ABRAXAS2: variants seen among roughly 807,000 people sequenced by gnomAD.
The protein encoded by ABRAXAS2 is BRISC complex subunit Abraxas 2.
In ABRAXAS2, 23 loss-of-function variants were observed where a neutral mutation model predicts 49.0. That is an observed-to-expected ratio of 0.47 (90% confidence interval 0.34 to 0.66). The LOEUF (loss-of-function observed/expected upper bound fraction) is 0.66, where lower values mean the gene tolerates loss of function less well. Ranked by LOEUF, ABRAXAS2 falls within the 30% of genes least tolerant of loss-of-function variation. The pLI is 0.01. For synonymous variants in ABRAXAS2, 168 were observed against 180.2 expected (o/e 0.93, Z 0.54); for missense variants, 443 against 511.9 (o/e 0.87, Z 1.30).
chr10:124,829,780 C>A (rs958817236), intron 7 of ABRAXAS2, among the ~76,000 whole-genome samples: 3 of 152,196 alleles, frequency 2.0e-5, no homozygotes, highest in African/African-American at 7.2e-5. Context: ...ATAGCTGTCT[C>A]CATCAGTTAT....
intron 2 of ABRAXAS2, 94 bp from the exon 3 acceptor site, chr10:124,816,480 CAG>C: frequency 1.3e-6 from 1 of 765,546 alleles, no homozygotes; most frequent in Non-Finnish European, 2.1e-6. Context: ...TCTTTGTTGT[CAG>C]AGATTTTGAT....
At chr10:124,816,908 G>T (rs1431752365) in intron 3 of ABRAXAS2, among the ~76,000 whole-genome samples, 2 of 152,124 alleles carry the variant, frequency 1.3e-5, no homozygotes, top group African/African-American at 4.8e-5. Flanking sequence ...TTCTTAACGA[G>T]GAATAAAAAA....
chr10:124,806,478 A>G (rs1386183836), intron 1 of ABRAXAS2, among the ~76,000 whole-genome samples: 1 of 152,150 alleles, frequency 6.6e-6, no homozygotes, highest in Non-Finnish European at 1.5e-5. Context: ...AACAAAATAA[A>G]TTGTATGTGA....
chr10:124,832,591 T>A (rs1950940086), intron 8 of ABRAXAS2, among the ~76,000 whole-genome samples: 1 of 152,186 alleles, frequency 6.6e-6, no homozygotes, highest in Non-Finnish European at 1.5e-5. Context: ...ACGCCTGTAA[T>A]CCTAGCACTT....
intron 5 of ABRAXAS2, among the ~76,000 whole-genome samples, chr10:124,827,219 G>A (rs1950902523): frequency 1.3e-5 from 2 of 148,184 alleles, no homozygotes; most frequent in Non-Finnish European, 3.0e-5. Context: ...GAGTGCAGTG[G>A]TGCAATCTCG....
At chr10:124,820,958 G>A (rs1045779807) in intron 4 of ABRAXAS2, among the ~76,000 whole-genome samples, 1 of 151,828 alleles carries the variant, frequency 6.6e-6, no homozygotes, top group Admixed American at 6.6e-5. Flanking sequence ...TTTTCCCCCA[G>A]GCTGGAGTGC....
chr10:124,802,359 G>GT (rs1204293505), intron 1 of ABRAXAS2, among the ~76,000 whole-genome samples: 1 of 152,260 alleles, frequency 6.6e-6, no homozygotes, highest in African/African-American at 2.4e-5. Context: ...TGCTGCGAGT[G>GT]AAACCGTGGC....
chr10:124,831,932 A>G (rs1302820710), intron 8 of ABRAXAS2, among the ~76,000 whole-genome samples: 5 of 139,704 alleles, frequency 3.6e-5, no homozygotes, highest in Non-Finnish European at 7.5e-5. Context: ...GGCTCACTGC[A>G]ACCTCCACCT....
At chr10:124,802,219 C>T (rs531590223) in intron 1 of ABRAXAS2, among the ~76,000 whole-genome samples, 2 of 152,288 alleles carry the variant, frequency 1.3e-5, no homozygotes, top group South Asian at 4.1e-4. Flanking sequence ...GCGCCTGCCC[C>T]TCCCTGAAAG....
In ABRAXAS2 at chr10:124,835,086, AAG is replaced by A; in HGVS notation, c.*120_*121del. 1 of 758,404 alleles carries A rather than the reference AAG, an allele frequency of 1.3e-6. No individual in the cohort carries two copies. The highest frequency in any genetic ancestry group is 2.1e-6 in the Non-Finnish European group (1 of 476,096). The allele number at this position is 758,404 out of a possible 1,614,324, so 47.0% of individuals were successfully genotyped here. A position where few individuals can be genotyped will look rare whatever the true frequency, so the allele number is the denominator to read the frequency against. On this transcript the variant is annotated 3_prime_UTR_variant, in exon 9 of 9. Transcript: ENST00000298492. ...TTTCTCAGATACCTTAACTCCCGAG[AAG>A]AGAGTCCTTGTGCACAGAACTTGTG... is the stretch of plus-strand genomic sequence containing the variant.
At chr10:124,827,427 T>C (rs1334309110) in intron 5 of ABRAXAS2, among the ~76,000 whole-genome samples, 1 of 152,048 alleles carries the variant, frequency 6.6e-6, no homozygotes, top group African/African-American at 2.4e-5. Flanking sequence ...CTCCCAAAAC[T>C]TTATGCATCT....
intron 1 of ABRAXAS2, among the ~76,000 whole-genome samples, chr10:124,804,434 T>C (rs147602756): frequency 6.6e-6 from 1 of 152,356 alleles, no homozygotes; most frequent in East Asian, 1.9e-4. Flanking sequence ...CCCAGTGCTG[T>C]AGAATACTAG....
At chr10:124,826,233 C>T (rs1950895165) in intron 4 of ABRAXAS2, among the ~76,000 whole-genome samples, 1 of 152,176 alleles carries the variant, frequency 6.6e-6, no homozygotes, top group Non-Finnish European at 1.5e-5. Context: ...TGCCTTCTCC[C>T]CTCATTCCTG....
intron 4 of ABRAXAS2, among the ~76,000 whole-genome samples, chr10:124,822,123 A>AG (rs1187191269): frequency 6.6e-6 from 1 of 152,308 alleles, no homozygotes; most frequent in East Asian, 1.9e-4. Context: ...GTTATTTTGT[A>AG]GGGGGGATTT....
At chr10:124,828,472 C>T (rs1950910605) in intron 5 of ABRAXAS2, among the ~76,000 whole-genome samples, 1 of 152,182 alleles carries the variant, frequency 6.6e-6, no homozygotes, top group African/African-American at 2.4e-5. Flanking sequence ...TCAAGTGATT[C>T]TCCTGCCTCA....
Position 124,829,458 on chromosome 10 carries a change from C to T in ABRAXAS2, c.644C>T (p.Ala215Val). 6.2e-7 allele frequency: 1 copy of T among 1,606,476 alleles called. No homozygotes were observed. The highest frequency in any genetic ancestry group is 1.3e-5 in the African/African-American group (1 of 74,842). The change falls in exon 7 of 9, where the codon GCA becomes GTA. Residue 215 changes from alanine to valine, a missense_variant. Ala to Val is a moderately conservative substitution (Grantham distance 64). Around this residue, in one of 3 missense-constraint regions of ABRAXAS2, gnomAD observed 166 missense variants for 247.3 expected, o/e 0.67. Coordinates refer to ENST00000298492, the MANE Select transcript of ABRAXAS2 (RefSeq NM_032182.4). Reference sequence around the variant, plus strand: ...AGGGCGATTTATCAGGTTTATAATGCACTTCAGGAGAAAGTTCAGGTAACT... The same window carrying T: ...AGGGCGATTTATCAGGTTTATAATGTACTTCAGGAGAAAGTTCAGGTAACT... ...DIRAIYQVYN[A>V]LQEKVQAVCA...
At chr10:124,807,894 C>T (rs568976746) in intron 2 of ABRAXAS2, among the ~76,000 whole-genome samples, 3 of 152,284 alleles carry the variant, frequency 2.0e-5, no homozygotes, top group Admixed American at 2.0e-4. Flanking sequence ...TGTGCTGGTC[C>T]TTCCTAAAGG....
chr10:124,826,771 C>T lies in ABRAXAS2; in HGVS notation c.444C>T (p.Phe148=). The T allele has an allele frequency of 6.2e-7, 1 of 1,614,086 alleles. No individual in the cohort carries two copies. Among genetic ancestry groups the T allele is most frequent in the Non-Finnish European group, 8.5e-7 (1 of 1,179,980 alleles). ...CTCACGCTTTAGAATATGTGCTCTT[C>T]AGACCAAATAGAAGGTAAAGCTTGC... ...NSTHALEYVL[F]RPNRRYNQRI... Residue 148 remains phenylalanine (F), a synonymous_variant, in exon 5 of 9, where the codon TTC becomes TTT. Transcript: ENST00000298492.
At chr10:124,831,246 A>C (rs973039864) in intron 7 of ABRAXAS2, 103 bp from the exon 8 acceptor site, 42 of 728,708 alleles carry the variant, frequency 5.8e-5, no homozygotes, top group Non-Finnish European at 9.5e-5. Flanking sequence ...TTTTTAACTC[A>C]ATAAACCATC....
Sources: allele counts gnomAD v4.1 joint callset (sites outside exome capture counted in the v4.1 genomes callset), GRCh38; gene constraint gnomAD v4.1.1; regional missense constraint gnomAD v4.1.1; transcripts MANE v1.5; gene names NCBI Gene and HGNC (gene_info 2026-07-23, HGNC 2026-07-21).